MAP4K3: variants seen among roughly 807,000 people sequenced by gnomAD.
The protein encoded by MAP4K3 is MAPK/ERK kinase kinase kinase 3.
Under a neutral mutation model 143.5 loss-of-function variants are expected in MAP4K3, and 94 were observed. The ratio of observed to expected loss-of-function variants is 0.65; its 90% CI spans 0.55 to 0.78. The LOEUF (loss-of-function observed/expected upper bound fraction) is 0.78, where lower values mean the gene tolerates loss of function less well. Among genes scored for constraint, MAP4K3 ranks in the 30% least tolerant of loss-of-function variants. The pLI, the probability that MAP4K3 is intolerant of heterozygous loss-of-function variation, is 0.00. For synonymous variants in MAP4K3, 416 were observed against 347.2 expected (o/e 1.20, Z -2.20); for missense variants, 1,077 against 1,068.1 (o/e 1.01, Z -0.12).
Position 39,371,180 on chromosome 2 carries a change from AAAGAT to A in MAP4K3, c.154+6881_154+6885del, listed in dbSNP as rs527649441. Among the ~76,000 whole-genome samples, 650 of 152,296 alleles carry A rather than the reference AAAGAT, an allele frequency of 4.3e-3. 4 individuals are homozygous for A. The highest frequency in any genetic ancestry group is 0.015 in the African/African-American group (610 of 41,570). On this transcript the variant is annotated intron_variant, in intron 2 of 33. Transcript: ENST00000263881. The stretch of plus-strand genomic sequence containing the variant: ...AATCTTAGGGCATCTCACCAAAAGA[AAAGAT>A]AAGAGTTTTTGTAATATTTTGAATA...
At chr2:39,366,970 C>T (rs2542008) in intron 2 of MAP4K3, among the ~76,000 whole-genome samples, 11,001 of 152,068 alleles carry the variant, frequency 0.072, 573 homozygotes, top group South Asian at 0.18. Context: ...ATCTAATAAT[C>T]CTATTGATTC....
intron 15 of MAP4K3, chr2:39,303,196 C>T (rs1682573900): frequency 6.0e-6 from 1 of 166,830 alleles, no homozygotes; most frequent in African/African-American, 2.4e-5. Flanking sequence ...ATTTTCCCAT[C>T]AAAAATGAGA....
At chr2:39,341,765 A>G (rs1665146644) in intron 4 of MAP4K3, among the ~76,000 whole-genome samples, 1 of 152,134 alleles carries the variant, frequency 6.6e-6, no homozygotes, top group Admixed American at 6.5e-5. Context: ...AGCCATTTGA[A>G]TTTCTAACAT....
chr2:39,393,042 C>G (rs1001582987), intron 1 of MAP4K3, among the ~76,000 whole-genome samples: 1 of 152,230 alleles, frequency 6.6e-6, no homozygotes, highest in Non-Finnish European at 1.5e-5. Flanking sequence ...GTTCTGCTTA[C>G]TTAATTTGAG....
At chr2:39,292,958 T>TTA in intron 17 of MAP4K3, 132 bp from the exon 18 acceptor site, 2 of 781,262 alleles carry the variant, frequency 2.6e-6, no homozygotes, top group Admixed American at 5.3e-5. Flanking sequence ...ATAGGATAGA[T>TTA]TCAGAATTAA....
chr2:39,380,743 A>G (rs1666337103), intron 1 of MAP4K3, among the ~76,000 whole-genome samples: 1 of 152,106 alleles, frequency 6.6e-6, no homozygotes, highest in Non-Finnish European at 1.5e-5. Flanking sequence ...TCATTGCTTT[A>G]AAGACAAAAA....
intron 3 of MAP4K3, among the ~76,000 whole-genome samples, chr2:39,350,604 G>A (rs186757608): frequency 6.6e-6 from 1 of 152,064 alleles, no homozygotes; most frequent in African/African-American, 2.4e-5. Context: ...CACTGTCTCT[G>A]GCTCTAGAAA....
At chr2:39,369,860 T>A (rs1666033099) in intron 2 of MAP4K3, among the ~76,000 whole-genome samples, 1 of 152,206 alleles carries the variant, frequency 6.6e-6, no homozygotes, top group Non-Finnish European at 1.5e-5. Context: ...GACCCATGAA[T>A]TAAGTCTTTC....
At chr2:39,436,662 A>C in intron 1 of MAP4K3, 1 of 550,124 alleles carries the variant, frequency 1.8e-6, no homozygotes, top group South Asian at 2.1e-5. Flanking sequence ...GGAGGTGGCA[A>C]AAATCATGTC....
Position 39,437,026 on chromosome 2 carries a change from G to A in MAP4K3, c.-39C>T, listed in dbSNP as rs960052968. 2.6e-6 allele frequency: 4 copies of A among 1,556,286 alleles called. No individual in the cohort carries two copies. Among genetic ancestry groups the A allele is most frequent in the Admixed American group, 3.4e-5 (2 of 58,410 alleles). On this transcript the variant is annotated 5_prime_UTR_variant, in exon 1 of 34. Coordinates refer to ENST00000263881, the MANE Select transcript of MAP4K3 (RefSeq NM_003618.4). ...TGCCCCCCGCCTCCCTCCCGGGCAGGGGAGGGGGGCCGCTCAGGGGGCCAC... is the reference window on the plus strand; with the variant it reads ...TGCCCCCCGCCTCCCTCCCGGGCAGAGGAGGGGGGCCGCTCAGGGGGCCAC...
At position 39,291,285 on chromosome 2, in the gene MAP4K3, T is replaced by G. The variant is rs535224788; in HGVS notation, c.1272-951A>C. Among the ~76,000 whole-genome samples, 142 of 152,294 alleles carry G rather than the reference T, an allele frequency of 9.3e-4. 1 individual carries two copies. The highest frequency in any genetic ancestry group is 3.1e-3 in the African/African-American group (128 of 41,554). The stretch of plus-strand genomic sequence containing the variant: ...TCAGTTAAAAGAATTAAATTCAATT[T>G]AAAAAGAAGTAATTGGGTAATACAC... On this transcript the variant is annotated intron_variant, in intron 18 of 33. Coordinates refer to ENST00000263881, the MANE Select transcript of MAP4K3 (RefSeq NM_003618.4).
At chr2:39,376,318 A>G (rs183678141) in intron 2 of MAP4K3, among the ~76,000 whole-genome samples, 31 of 152,346 alleles carry the variant, frequency 2.0e-4, no homozygotes, top group Admixed American at 2.0e-3. Context: ...AATAGAGGAA[A>G]CATATTTATG....
intron 18 of MAP4K3, among the ~76,000 whole-genome samples, chr2:39,290,593 A>T (rs7559756): frequency 3.3e-5 from 5 of 151,790 alleles, no homozygotes; most frequent in Non-Finnish European, 5.9e-5. Flanking sequence ...CTCATGTGGA[A>T]GCTAAAAAAA....
At chr2:39,363,644 G>A (rs1016845257) in intron 2 of MAP4K3, among the ~76,000 whole-genome samples, 9 of 143,948 alleles carry the variant, frequency 6.3e-5, no homozygotes, top group Admixed American at 1.4e-4. Flanking sequence ...ACTCTAGCTT[G>A]GGCAATAGAG....
At chr2:39,308,848 C>G (rs1336953792) in intron 14 of MAP4K3, among the ~76,000 whole-genome samples, 2 of 151,948 alleles carry the variant, frequency 1.3e-5, no homozygotes, top group African/African-American at 4.8e-5. Flanking sequence ...CCTCATCTCC[C>G]TAATTTTCAA....
At chr2:39,403,250 T>C (rs6724393) in intron 1 of MAP4K3, among the ~76,000 whole-genome samples, 145,715 of 152,254 alleles carry the variant, frequency 0.96, 70,085 homozygotes, top group East Asian at 1. Context: ...AGCAACTATC[T>C]ACACACAAAA....
intron 1 of MAP4K3, among the ~76,000 whole-genome samples, chr2:39,396,372 C>G (rs1007242618): frequency 6.6e-6 from 1 of 151,932 alleles, no homozygotes; most frequent in Non-Finnish European, 1.5e-5. Flanking sequence ...CTTAATATTC[C>G]ATAGTCCACT....
intron 1 of MAP4K3, among the ~76,000 whole-genome samples, chr2:39,419,031 G>A (rs548066860): frequency 6.6e-6 from 1 of 152,200 alleles, no homozygotes; most frequent in East Asian, 1.9e-4. Context: ...AACGAAACTG[G>A]GTTAGGAGTC....
chr2:39,339,774 G>A (rs940417535), intron 4 of MAP4K3, among the ~76,000 whole-genome samples: 19 of 151,770 alleles, frequency 1.3e-4, no homozygotes, highest in African/African-American at 3.9e-4. Context: ...AATATATATT[G>A]GAAACAATGA....
Sources: gnomAD v4.1 joint callset for allele counts (sites outside exome capture counted in the v4.1 genomes callset) on GRCh38, gnomAD v4.1.1 for gene constraint, MANE v1.5 for transcripts, NCBI Gene and HGNC (gene_info 2026-07-23, HGNC 2026-07-21) for gene names.